The following OSER1 variants were observed in gnomAD, a reference collection of about 807,000 sequenced individuals.
OSER1 encodes oxidative stress responsive serine rich 1.
OSER1 carries 15 observed loss-of-function variants against 26.3 expected under a neutral mutation model. That is an observed-to-expected ratio of 0.57 (90% CI 0.38 to 0.88). The LOEUF (loss-of-function observed/expected upper bound fraction) is 0.88, where lower values mean the gene tolerates loss of function less well. OSER1 is among the 40% of genes least tolerant of loss of function. The probability of loss-of-function intolerance (pLI) is 0.00; values close to 1 mark genes in which losing one functional copy is unlikely to be tolerated. For synonymous variants in OSER1, 127 were observed against 128.2 expected, an observed-to-expected ratio of 0.99 and a Z score of 0.07; for missense variants, 313 against 353.9, an observed-to-expected ratio of 0.88 and a Z score of 0.93.
At position 44,196,842 on chromosome 20, in the gene OSER1, T is replaced by G; in HGVS notation, c.*210A>C. On this transcript the variant is annotated 3_prime_UTR_variant, in exon 4 of 4. Coordinates refer to ENST00000255174, the MANE Select transcript of OSER1 (RefSeq NM_016470.8). Reference sequence around the variant, plus strand: ...TTTCTAAATAAGGGGGATTTTTCTTTGATCTGCTCGCCTTGAAGTGTATGT... The same window carrying G: ...TTTCTAAATAAGGGGGATTTTTCTTGGATCTGCTCGCCTTGAAGTGTATGT... The G allele has an allele frequency of 4.0e-6, 2 of 499,278 alleles. No homozygotes were observed. The highest frequency in any genetic ancestry group is 7.2e-6 in the Non-Finnish European group (2 of 279,542). 30.9% of individuals were successfully genotyped at this position (499,278 alleles called of 1,614,324 possible). A position where few individuals can be genotyped will look rare whatever the true frequency, so the allele number is the denominator to read the frequency against.
intron 2 of OSER1, 48 bp from the exon 3 acceptor site, chr20:44,203,122 G>A (rs1469705030): frequency 2.0e-6 from 2 of 980,326 alleles, no homozygotes; most frequent in South Asian, 1.3e-5. Context: ...GTAAAATGAG[G>A]AGAACATATT....
At chr20:44,206,808 C>G in intron 2 of OSER1, 73 bp downstream of exon 2, 2 of 681,036 alleles carry the variant, frequency 2.9e-6, no homozygotes, top group Non-Finnish European at 2.6e-6. Context: ...AGAGGAAGAG[C>G]TTTTTAGGGA....
chr20:44,203,730 A>ACACACC (rs1345326374), intron 2 of OSER1, among the ~76,000 whole-genome samples: 17 of 147,252 alleles, frequency 1.2e-4, no homozygotes, highest in African/African-American at 3.8e-4. Context: ...ACACACACAC[A>ACACACC]CCCCTCCTAC....
Position 44,203,042 on chromosome 20 carries a change from G to A in OSER1, c.110C>T (p.Thr37Ile). The A allele has an allele frequency of 1.2e-6, 2 of 1,612,106 alleles. No individual in the cohort carries two copies. Among genetic ancestry groups the A allele is most frequent in the Non-Finnish European group, 1.7e-6 (2 of 1,178,204 alleles). The part of the protein sequence containing the change: ...SVASLSVGEG[T>I]GVRAPVRTAT... ...TGTTCTGACTGGTGCTCTGACACCT[G>A]TGCCTTCTCCAACAGACAGAGATGC... The change falls in exon 3 of 4, where the codon ACA becomes ATA. Residue 37 changes from threonine to isoleucine, a missense_variant. Transcript: ENST00000255174.
chr20:44,206,933 C>T lies in OSER1; in HGVS notation c.25G>A (p.Glu9Lys). 1 of 1,605,458 alleles carries T rather than the reference C, an allele frequency of 6.2e-7. No individual in the cohort carries two copies. Among genetic ancestry groups the T allele is most frequent in the Non-Finnish European group, 8.5e-7 (1 of 1,172,446 alleles). Residue 9 changes from glutamate (E) to lysine (K), a missense_variant, in exon 2 of 4, where the codon GAG (glutamate) becomes AAG (lysine). Glu to Lys is a moderately conservative substitution (Grantham distance 56). This residue lies in a region of OSER1 where 300 missense variants were observed against 318.3 expected (regional missense o/e 0.94). Transcript: ENST00000255174. MKSEAKDG[E>K]EESLQTAFKK... ...AAAGCAGTCTGTAGACTCTCCTCCT[C>T]TCCATCCTTGGCTTCGGATTTCATT...
At chr20:44,206,752 G>C (rs962719428) in intron 2 of OSER1, 129 bp downstream of exon 2, 2 of 534,228 alleles carry the variant, frequency 3.7e-6, no homozygotes, top group Non-Finnish European at 6.7e-6. Flanking sequence ...GAAGAATGTC[G>C]CACTATTAGC....
intron 1 of OSER1, among the ~76,000 whole-genome samples, chr20:44,210,353 G>A (rs1047239573): frequency 3.3e-5 from 5 of 152,218 alleles, no homozygotes; most frequent in Non-Finnish European, 7.3e-5. Flanking sequence ...ATGGGGCTCC[G>A]AGGCGAGAGA....
At chr20:44,201,500 G>T (rs1047233378) in intron 3 of OSER1, among the ~76,000 whole-genome samples, 59 of 152,282 alleles carry the variant, frequency 3.9e-4, no homozygotes, top group African/African-American at 1.3e-3. Context: ...TAGGAAAAAA[G>T]TAAGTGATTG....
chr20:44,199,766 G>A (rs1225528219), intron 3 of OSER1, among the ~76,000 whole-genome samples: 1 of 152,200 alleles, frequency 6.6e-6, no homozygotes, highest in African/African-American at 2.4e-5. Flanking sequence ...TTAAATGTGT[G>A]GGTGGAAGAC....
At chr20:44,208,584 A>C (rs1259315963) in intron 1 of OSER1, among the ~76,000 whole-genome samples, 10 of 152,330 alleles carry the variant, frequency 6.6e-5, no homozygotes, top group African/African-American at 2.4e-4. Context: ...TCTAATTCTC[A>C]GTTTAGGGTA....
intron 2 of OSER1, among the ~76,000 whole-genome samples, chr20:44,205,911 G>C (rs527941376): frequency 6.0e-5 from 8 of 132,514 alleles, no homozygotes; most frequent in African/African-American, 1.8e-4. Flanking sequence ...CTGCACTCCA[G>C]CCTGGGCGAC....
At chr20:44,204,443 CT>C (rs1462466750) in intron 2 of OSER1, among the ~76,000 whole-genome samples, 2 of 152,194 alleles carry the variant, frequency 1.3e-5, no homozygotes, top group Non-Finnish European at 2.9e-5. Context: ...TCCTTCCCTT[CT>C]TATAATTTTA....
rs776605311 is a variant in OSER1 at position 44,197,758 on chromosome 20, A to G, written c.192-19T>C. 1.9e-5 allele frequency: 29 copies of G among 1,528,598 alleles called. No individual in the cohort carries two copies. The South Asian group carries it at 3.3e-4, about 17-fold the overall frequency. 94.7% of individuals were successfully genotyped at this position (1,528,598 alleles called of 1,614,324 possible). On this transcript the variant is annotated intron_variant, in intron 3 of 3. Transcript: ENST00000255174. ...TGTAGACCTAAAGAGGAAAAAAAAT[A>G]TACAAGAAGATGTTGGGATATGGAG...
chr20:44,204,696 C>T (rs933564484), intron 2 of OSER1, among the ~76,000 whole-genome samples: 1 of 152,136 alleles, frequency 6.6e-6, no homozygotes, highest in African/African-American at 2.4e-5. Flanking sequence ...CCCATGTCCA[C>T]GTGTGTTCAA....
At chr20:44,197,830 C>T in intron 3 of OSER1, 91 bp from the exon 4 acceptor site, 3 of 774,758 alleles carry the variant, frequency 3.9e-6, no homozygotes, top group Non-Finnish European at 6.2e-6. Context: ...TACCTTCCCT[C>T]AGCTTTATGA....
At chr20:44,206,668 C>T (rs2073041167) in intron 2 of OSER1, among the ~76,000 whole-genome samples, 1 of 152,152 alleles carries the variant, frequency 6.6e-6, no homozygotes, top group Non-Finnish European at 1.5e-5. Context: ...CCTGGGAGGG[C>T]AAATGAACTG....
At chr20:44,207,892 A>G (rs3761183) in intron 1 of OSER1, among the ~76,000 whole-genome samples, 2,641 of 152,312 alleles carry the variant, frequency 0.017, 30 homozygotes, top group African/African-American at 0.038. Flanking sequence ...AACAAGAAAC[A>G]CAACAGAGAA....
intron 2 of OSER1, among the ~76,000 whole-genome samples, chr20:44,205,887 C>G (rs6124630): frequency 1.4e-5 from 2 of 139,286 alleles, no homozygotes; most frequent in Non-Finnish European, 3.0e-5. Flanking sequence ...TTGCAGTGAG[C>G]TGAGATTGCG....
intron 3 of OSER1, among the ~76,000 whole-genome samples, chr20:44,198,058 T>G (rs955391973): frequency 2.0e-5 from 3 of 152,204 alleles, no homozygotes; most frequent in African/African-American, 7.2e-5. Flanking sequence ...CCAGTGGGTC[T>G]GAGGGAAGCA....
Sources: gnomAD v4.1 joint callset for allele counts (sites outside exome capture counted in the v4.1 genomes callset) on GRCh38, gnomAD v4.1.1 for gene constraint, gnomAD v4.1.1 regional missense constraint, MANE v1.5 for transcripts, NCBI Gene and HGNC (gene_info 2026-07-23, HGNC 2026-07-21) for gene names.